The following FILIP1 variants were observed in gnomAD, a reference collection of about 807,000 sequenced individuals.
The protein encoded by FILIP1 is filamin A interacting protein 1, also known as filamin-A-interacting protein 1.
FILIP1 carries 61 observed loss-of-function variants against 102.1 expected under a neutral mutation model. The ratio of observed to expected loss-of-function variants is 0.60; its 90% CI spans 0.49 to 0.74. The LOEUF is 0.74. FILIP1 is among the 30% of genes least tolerant of loss of function. FILIP1 has a pLI of 0.00. For synonymous variants in FILIP1, 491 were observed against 526.9 expected, an observed-to-expected ratio of 0.93 and a Z score of 0.93; for missense variants, 1,314 against 1,441.2, an observed-to-expected ratio of 0.91 and a Z score of 1.43.
intron 4 of FILIP1, among the ~76,000 whole-genome samples, chr6:75,345,172 G>A (rs1352705483): frequency 6.6e-6 from 1 of 151,954 alleles, no homozygotes; most frequent in Non-Finnish European, 1.5e-5. Context: ...TGTACTTCTT[G>A]CCCATTTTTG....
intron 2 of FILIP1, among the ~76,000 whole-genome samples, chr6:75,397,414 A>C: frequency 6.6e-6 from 1 of 151,740 alleles, no homozygotes; most frequent in East Asian, 1.9e-4. Flanking sequence ...AGGCATGCAT[A>C]GTTTGATTAC....
At chr6:75,332,327 A>G (rs1774110974) in intron 4 of FILIP1, among the ~76,000 whole-genome samples, 1 of 152,224 alleles carries the variant, frequency 6.6e-6, no homozygotes, top group Admixed American at 6.5e-5. Context: ...ATACTTTTAA[A>G]ATAAGAAAAA....
Position 75,464,438 on chromosome 6 carries a change from C to T in FILIP1, c.-7+28976G>A, listed in dbSNP as rs141505546. Reference sequence around the variant, plus strand: ...TCACAGAAAAACTCTGCACACTAAACATCAATGTATGCAGGAAATATTTCC... The same window carrying T: ...TCACAGAAAAACTCTGCACACTAAATATCAATGTATGCAGGAAATATTTCC... On this transcript the variant is annotated intron_variant, in intron 1 of 5. Coordinates refer to ENST00000237172, the MANE Select transcript of FILIP1 (RefSeq NM_015687.5). Among the ~76,000 whole-genome samples, 86 of 152,342 alleles carry T rather than the reference C, an allele frequency of 5.6e-4. 1 individual carries two copies. The East Asian group carries it at 0.016, about 29-fold the overall frequency.
At chr6:75,425,800 T>C (rs368494026) in intron 1 of FILIP1, among the ~76,000 whole-genome samples, 1 of 152,176 alleles carries the variant, frequency 6.6e-6, no homozygotes, top group African/African-American at 2.4e-5. Context: ...ACTCTCCATA[T>C]GTATGTGAAA....
chr6:75,397,294 G>T (rs981836974), intron 2 of FILIP1, among the ~76,000 whole-genome samples: 4 of 151,544 alleles, frequency 2.6e-5, no homozygotes, highest in Admixed American at 2.6e-4. Flanking sequence ...ATATTGCAAA[G>T]ATTACATATA....
chr6:75,483,198 C>T (rs565323415), intron 1 of FILIP1, among the ~76,000 whole-genome samples: 4 of 152,286 alleles, frequency 2.6e-5, no homozygotes, highest in African/African-American at 9.6e-5. Context: ...TACATGCTAC[C>T]TAAAAATGTA....
chr6:75,458,277 C>T (rs1040175133), intron 1 of FILIP1: 1 of 152,058 alleles, frequency 6.6e-6, no homozygotes, highest in Admixed American at 6.6e-5. Context: ...TTCTACAATA[C>T]CTCCGACAGC....
Position 75,378,157 on chromosome 6 carries a change from GAAC to G in FILIP1, c.277-15243_277-15241del, listed in dbSNP as rs774124049. Among the ~76,000 whole-genome samples, 292 of 152,148 alleles carry G rather than the reference GAAC, an allele frequency of 1.9e-3. 2 individuals are homozygous for G. Among genetic ancestry groups the G allele is most frequent in the Non-Finnish European group, 2.2e-3 (150 of 68,000 alleles). ...TAAAAACTGTTACTTAATTAACATT[GAAC>G]TCATGATCAATGACACTATGTCTGA... On this transcript the variant is annotated intron_variant, in intron 2 of 5. Coordinates refer to ENST00000237172, the MANE Select transcript of FILIP1 (RefSeq NM_015687.5).
At chr6:75,412,313 T>C (rs1425309007) in intron 2 of FILIP1, among the ~76,000 whole-genome samples, 1 of 152,196 alleles carries the variant, frequency 6.6e-6, no homozygotes. Context: ...AAGGAGTTTT[T>C]GGGCTGAGGC....
chr6:75,396,368 G>T (rs1351275720), intron 2 of FILIP1, among the ~76,000 whole-genome samples: 1 of 152,044 alleles, frequency 6.6e-6, no homozygotes, highest in Admixed American at 6.6e-5. Context: ...CCAGTTAAGA[G>T]TCTGTTGCAA....
At chr6:75,448,363 A>T (rs1778509512) in intron 1 of FILIP1, among the ~76,000 whole-genome samples, 1 of 152,190 alleles carries the variant, frequency 6.6e-6, no homozygotes, top group African/African-American at 2.4e-5. Flanking sequence ...ATTCTTTTAA[A>T]ATGAAATATG....
chr6:75,305,211 C>T (rs894490848), downstream of FILIP1, among the ~76,000 whole-genome samples: 6 of 152,172 alleles, frequency 3.9e-5, no homozygotes, highest in Non-Finnish European at 8.8e-5. Context: ...CCTCATTACT[C>T]GTTCTCTCTC....
In FILIP1 at chr6:75,313,380, C is replaced by G; in HGVS notation, c.2452G>C (p.Glu818Gln). The change falls in exon 5 of 6, where the codon GAA (glutamate) becomes CAA (glutamine). Residue 818 changes from glutamate to glutamine, a missense_variant. Physicochemically the swap from Glu to Gln is conservative, Grantham distance 29. This residue lies in a region of FILIP1 where 816 missense variants were observed against 913.1 expected (regional missense o/e 0.89). Coordinates refer to ENST00000237172, the MANE Select transcript of FILIP1 (RefSeq NM_015687.5). This position sits in a 1 kb window ranked among gnomAD's most constrained non-coding sequence, Gnocchi z 4.2. ...DAVSGEAAEE[E>Q]TPAVFIRKSF... ...TTCCGTATGAATACAGCTGGCGTTTCTTCCTCTGCTGCTTCACCGCTGACT... is the reference window on the plus strand; with the variant it reads ...TTCCGTATGAATACAGCTGGCGTTTGTTCCTCTGCTGCTTCACCGCTGACT... 1.9e-6 allele frequency: 3 copies of G among 1,614,190 alleles called. No homozygotes were observed. The highest frequency in any genetic ancestry group is 2.5e-6 in the Non-Finnish European group (3 of 1,180,032).
intron 4 of FILIP1, among the ~76,000 whole-genome samples, chr6:75,341,059 C>T (rs1774405435): frequency 6.6e-6 from 1 of 150,980 alleles, no homozygotes; most frequent in Non-Finnish European, 1.5e-5. Flanking sequence ...AGTTCCCATA[C>T]TTAAAAAAAG....
chr6:75,404,240 A>G (rs1301229601), intron 2 of FILIP1, among the ~76,000 whole-genome samples: 2 of 152,092 alleles, frequency 1.3e-5, no homozygotes, highest in African/African-American at 2.4e-5. Flanking sequence ...ATTGTCCCCA[A>G]AAACAAAACA....
At chr6:75,414,564 G>T in intron 2 of FILIP1, 133 bp downstream of exon 2, 1 of 860,552 alleles carries the variant, frequency 1.2e-6, no homozygotes, top group South Asian at 1.8e-5. Flanking sequence ...AGGCACTAGG[G>T]ATTTAGAAAT....
At chr6:75,340,796 A>G (rs1029999824) in intron 4 of FILIP1, among the ~76,000 whole-genome samples, 1 of 151,670 alleles carries the variant, frequency 6.6e-6, no homozygotes, top group Non-Finnish European at 1.5e-5. Flanking sequence ...CCCGGGTTCA[A>G]GCAATTCTCC....
At chr6:75,297,906 G>A (rs1396246916) in intron 6 of FILIP1, among the ~76,000 whole-genome samples, 1 of 152,110 alleles carries the variant, frequency 6.6e-6, no homozygotes, top group Admixed American at 6.5e-5. Context: ...ACAAAATAAG[G>A]GTATTAGAGA....
intron 1 of FILIP1, among the ~76,000 whole-genome samples, chr6:75,440,468 T>C (rs955969011): frequency 6.6e-6 from 1 of 152,118 alleles, no homozygotes; most frequent in African/African-American, 2.4e-5. Context: ...TTAAACAACA[T>C]TTGTAGTATT....
Sources: gnomAD v4.1 joint callset for allele counts (sites outside exome capture counted in the v4.1 genomes callset) on GRCh38, gnomAD v4.1.1 for gene constraint, gnomAD v4.1.1 regional missense constraint, Gnocchi (gnomAD v3.1) non-coding constraint, MANE v1.5 for transcripts, NCBI Gene and HGNC (gene_info 2026-07-23, HGNC 2026-07-21) for gene names.